Variants in MAPK10 observed in about 807,000 individuals in gnomAD.
MAPK10 encodes the protein JNK3 alpha protein kinase.
In MAPK10, 25 loss-of-function variants were observed where a neutral mutation model predicts 59.3. The observed-to-expected ratio is 0.42, with a 90% confidence interval of 0.31 to 0.59. The LOEUF is 0.59. Among genes scored for constraint, MAPK10 ranks in the 20% least tolerant of loss-of-function variants. MAPK10 has a pLI of 0.15. For synonymous variants in MAPK10, 190 were observed against 200.5 expected (o/e 0.95, Z 0.44); for missense variants, 351 against 568.9 (o/e 0.62, Z 3.90).
At chr4:86,452,894 C>A (rs1344571539) in intron 1 of MAPK10, 1 of 152,140 alleles carries the variant, frequency 6.6e-6, no homozygotes, top group Non-Finnish European at 1.5e-5. Context: ...AAGGGTCCTG[C>A]AGGACCCAGG....
At chr4:86,540,220 G>T (rs1014654165) in intron 1 of MAPK10, among the ~76,000 whole-genome samples, 1 of 152,212 alleles carries the variant, frequency 6.6e-6, no homozygotes, top group Non-Finnish European at 1.5e-5. Context: ...ACTGGGCCAT[G>T]CACAGTGTGT....
chr4:86,365,994 T>A (rs910555722), intron 1 of MAPK10, among the ~76,000 whole-genome samples: 1 of 152,214 alleles, frequency 6.6e-6, no homozygotes, highest in Non-Finnish European at 1.5e-5. Flanking sequence ...CTAAAGATGT[T>A]TAGGAATATC....
At chr4:86,562,537 T>A (rs538087467) in intron 1 of MAPK10, among the ~76,000 whole-genome samples, 2 of 151,730 alleles carry the variant, frequency 1.3e-5, no homozygotes, top group African/African-American at 4.8e-5. Flanking sequence ...AATAAATAAA[T>A]TAATTAATTT....
chr4:86,243,244 C>CAGCTGCTTCTAGTAAGCCAAAAT (rs1182745222), intron 2 of MAPK10, among the ~76,000 whole-genome samples: 6 of 152,214 alleles, frequency 3.9e-5, no homozygotes, highest in Non-Finnish European at 8.8e-5. Flanking sequence ...TGGCCCCACT[C>CAGCTGCTTCTAGTAAGCCAAAAT]AGATGATAGT....
chr4:86,274,636 C>A (rs2094523343), intron 2 of MAPK10, among the ~76,000 whole-genome samples: 1 of 151,900 alleles, frequency 6.6e-6, no homozygotes, highest in South Asian at 2.1e-4. Context: ...AATCTCCATG[C>A]ATTTATCCAT....
chr4:86,057,624 T>C (rs993160263), intron 11 of MAPK10, among the ~76,000 whole-genome samples: 2 of 149,808 alleles, frequency 1.3e-5, no homozygotes, highest in African/African-American at 5.0e-5. Context: ...TGTTTAAAAA[T>C]TCAATGCTGA....
At chr4:86,138,892 A>G (rs1182107572) in intron 4 of MAPK10, among the ~76,000 whole-genome samples, 4 of 152,002 alleles carry the variant, frequency 2.6e-5, no homozygotes, top group Admixed American at 6.6e-5. Flanking sequence ...TACACCAACA[A>G]CAGACAAACA....
At chr4:86,528,516 T>C (rs1238267204) in intron 1 of MAPK10, among the ~76,000 whole-genome samples, 3 of 152,250 alleles carry the variant, frequency 2.0e-5, no homozygotes, top group African/African-American at 7.2e-5. Context: ...CAACTCATTA[T>C]GAACATACAA....
chr4:86,351,268 A>G (rs918258343), intron 2 of MAPK10, among the ~76,000 whole-genome samples: 4 of 152,014 alleles, frequency 2.6e-5, no homozygotes, highest in Admixed American at 2.6e-4. Context: ...ATATATATAT[A>G]TACACACACA....
intron 4 of MAPK10, chr4:86,152,567 G>T (rs571722525): frequency 1.3e-5 from 2 of 152,304 alleles, no homozygotes; most frequent in South Asian, 2.1e-4. Flanking sequence ...CAAACTAAAA[G>T]ATGTCTTCCT....
At chr4:86,333,879 T>C (rs544478638) in intron 2 of MAPK10, among the ~76,000 whole-genome samples, 1 of 152,334 alleles carries the variant, frequency 6.6e-6, no homozygotes, top group East Asian at 1.9e-4. Flanking sequence ...GTGTCATATA[T>C]GTTTTAACTT....
At chr4:86,332,578 C>T (rs1027427081) in intron 2 of MAPK10, 9 of 152,166 alleles carry the variant, frequency 5.9e-5, no homozygotes, top group Non-Finnish European at 5.9e-5. Context: ...TTTGACACAG[C>T]ACAGTTCCAC....
chr4:86,475,933 A>G (rs953273743), intron 1 of MAPK10, among the ~76,000 whole-genome samples: 3 of 152,076 alleles, frequency 2.0e-5, no homozygotes, highest in Admixed American at 2.0e-4. Context: ...TTTCTTCTAC[A>G]ATACCGTTTG....
intron 2 of MAPK10, among the ~76,000 whole-genome samples, chr4:86,273,231 G>T (rs977938371): frequency 2.6e-5 from 4 of 151,952 alleles, no homozygotes; most frequent in Non-Finnish European, 5.9e-5. Context: ...TGTGAGAGAA[G>T]AATTTTATCT....
At chr4:86,284,973 T>C (rs183544540) in intron 2 of MAPK10, among the ~76,000 whole-genome samples, 7 of 152,360 alleles carry the variant, frequency 4.6e-5, no homozygotes, top group South Asian at 2.1e-4. Context: ...GGACTATCCA[T>C]TGCCTTTTGC....
chr4:86,185,904 GC>G (rs2078108021), intron 3 of MAPK10, among the ~76,000 whole-genome samples: 1 of 146,802 alleles, frequency 6.8e-6, no homozygotes, highest in African/African-American at 2.6e-5. Flanking sequence ...AGTCTGATAT[GC>G]CTATTTGACA....
In MAPK10 at chr4:86,554,501, A is replaced by C. The variant is rs76981575; in HGVS notation, c.-263+39409T>G. On this transcript the variant is annotated intron_variant, in intron 1 of 4. Transcript: ENST00000502302. ...TCAACATCCTCAAGTTTCCCAAGTA[A>C]AAAATTCATCTGGAGTGTCCCTCTT... Among the ~76,000 whole-genome samples, 761 of 152,268 alleles carry C rather than the reference A, an allele frequency of 5.0e-3. 1 individual carries two copies. Among genetic ancestry groups the C allele is most frequent in the African/African-American group, 0.017 (716 of 41,552 alleles).
chr4:86,031,064 C>T (rs1302563411), intron 12 of MAPK10, among the ~76,000 whole-genome samples: 2 of 152,144 alleles, frequency 1.3e-5, no homozygotes, highest in African/African-American at 4.8e-5. Context: ...GAATTCTGAA[C>T]TAAAGCTTGC....
intron 3 of MAPK10, among the ~76,000 whole-genome samples, chr4:86,174,601 T>G (rs1377329954): frequency 6.6e-6 from 1 of 152,172 alleles, no homozygotes; most frequent in Non-Finnish European, 1.5e-5. Flanking sequence ...TCCCAGAGCT[T>G]AAAATTAAAT....
Sources: allele counts gnomAD v4.1 joint callset (sites outside exome capture counted in the v4.1 genomes callset), GRCh38; gene constraint gnomAD v4.1.1; transcripts MANE v1.5; gene names NCBI Gene and HGNC (gene_info 2026-07-23, HGNC 2026-07-21).